Variants in NKAIN2 observed in about 807,000 individuals in gnomAD.
NKAIN2 encodes the protein sodium/potassium transporting ATPase interacting 2.
NKAIN2 carries 14 observed loss-of-function variants against 32.6 expected under a neutral mutation model. The observed-to-expected ratio is 0.43, with a 90% confidence interval of 0.28 to 0.67. NKAIN2 has a LOEUF of 0.67. Among genes scored for constraint, NKAIN2 ranks in the 30% least tolerant of loss-of-function variants. The pLI is 0.17. For missense variants in NKAIN2, 198 were observed against 258.3 expected, an observed-to-expected ratio of 0.77 and a Z score of 1.60; for synonymous variants, 80 against 87.2, an observed-to-expected ratio of 0.92 and a Z score of 0.46.
rs112130036 is a variant in NKAIN2, at chr6:124,177,876, C to T, written c.55-105129C>T. On this transcript the variant is annotated intron_variant, in intron 1 of 6. Transcript: ENST00000368417. ...TCGGCTCACTGCAAGCTCCGCCTCC[C>T]GGGTTCACGCCATTCTCCTGCCTCA... is the stretch of plus-strand genomic sequence containing the variant. Among the ~76,000 whole-genome samples, 2 of 25,048 alleles carry T rather than the reference C, an allele frequency of 8.0e-5. 1 individual carries two copies. The highest frequency in any genetic ancestry group is 1.8e-4 in the Non-Finnish European group (2 of 11,062). The allele number at this position is 25,048 out of a possible 152,430, so 16.4% of individuals were successfully genotyped here.
At chr6:124,470,803 G>A (rs1297377620) in intron 3 of NKAIN2, among the ~76,000 whole-genome samples, 1 of 152,108 alleles carries the variant, frequency 6.6e-6, no homozygotes, top group Non-Finnish European at 1.5e-5. Context: ...AACAAGAACA[G>A]AAACAAAACT....
At chr6:124,573,135 C>T (rs553666871) in intron 3 of NKAIN2, among the ~76,000 whole-genome samples, 5 of 152,270 alleles carry the variant, frequency 3.3e-5, no homozygotes, top group South Asian at 4.1e-4. Context: ...CCACCACGCC[C>T]GGCCAAAAAG....
At chr6:124,138,667 T>TTAA (rs35760348) in intron 1 of NKAIN2, among the ~76,000 whole-genome samples, 101,486 of 145,482 alleles carry the variant, frequency 0.7, 35,925 homozygotes, top group African/African-American at 0.81. Context: ...TGTTATATTA[T>TTAA]TAATTATGTT....
At chr6:124,561,775 G>T (rs1780701687) in intron 3 of NKAIN2, among the ~76,000 whole-genome samples, 1 of 152,142 alleles carries the variant, frequency 6.6e-6, no homozygotes, top group Non-Finnish European at 1.5e-5. Flanking sequence ...GGCTGAAATA[G>T]CCCGTTTTGA....
In NKAIN2 at chr6:124,192,741, G is replaced by GTT. The variant is rs1205303294; in HGVS notation, c.55-90239_55-90238dup. Reference sequence around the variant, plus strand: ...TCTATTTCTCTCCTTAGTTCCATCCGTTTTTTTTTTTTTTTTTTTTTTTTT... The same window carrying GTT: ...TCTATTTCTCTCCTTAGTTCCATCCGTTTTTTTTTTTTTTTTTTTTTTTTTTT... On this transcript the variant is annotated intron_variant, in intron 1 of 6. Coordinates refer to ENST00000368417, the MANE Select transcript of NKAIN2 (RefSeq NM_001040214.3). Among the ~76,000 whole-genome samples, 310 of 77,210 alleles carry GTT rather than the reference G, an allele frequency of 4.0e-3. 59 individuals carry two copies. The highest frequency in any genetic ancestry group is 0.01 in the Middle Eastern group (1 of 100). 50.7% of individuals were successfully genotyped at this position (77,210 alleles called of 152,430 possible).
intron 1 of NKAIN2, among the ~76,000 whole-genome samples, chr6:123,855,736 C>A (rs569695045): frequency 2.0e-5 from 3 of 152,160 alleles, no homozygotes; most frequent in Non-Finnish European, 2.9e-5. Flanking sequence ...ATTTGTGTAT[C>A]CTGCATATAA....
In NKAIN2 at chr6:123,884,185, C is replaced by T. The variant is rs189116109; in HGVS notation, c.54+79931C>T. Among the ~76,000 whole-genome samples the T allele has an allele frequency of 7.9e-4, 120 of 152,116 alleles. 1 individual carries two copies. Among genetic ancestry groups the T allele is most frequent in the African/African-American group, 2.8e-3 (118 of 41,486 alleles). On this transcript the variant is annotated intron_variant, in intron 1 of 6. Transcript: ENST00000368417. ...GTCCATGTGCTCTCTTCATTTAGCT[C>T]CCCCTTATAAGTGAGAACATATGGT...
chr6:123,808,185 C>G (rs769325362), intron 1 of NKAIN2, among the ~76,000 whole-genome samples: 1 of 152,022 alleles, frequency 6.6e-6, no homozygotes, highest in Non-Finnish European at 1.5e-5. Context: ...TTATGATATT[C>G]CTGGTATACT....
At chr6:124,293,890 A>G (rs938439878) in intron 2 of NKAIN2, among the ~76,000 whole-genome samples, 12 of 152,112 alleles carry the variant, frequency 7.9e-5, no homozygotes, top group Non-Finnish European at 1.5e-4. Context: ...AGAGGCAAGT[A>G]GGCACCATTT....
chr6:124,432,926 G>A (rs981989183), intron 3 of NKAIN2, among the ~76,000 whole-genome samples: 2 of 151,932 alleles, frequency 1.3e-5, no homozygotes, highest in Non-Finnish European at 2.9e-5. Flanking sequence ...TTGTGAACTG[G>A]CCTGCTTGGC....
intron 1 of NKAIN2, among the ~76,000 whole-genome samples, chr6:123,869,378 C>T (rs1772748603): frequency 1.3e-5 from 2 of 152,278 alleles, no homozygotes; most frequent in Non-Finnish European, 2.9e-5. Context: ...CAACCAGCAA[C>T]AGAATGAGTG....
At chr6:124,461,572 G>C (rs1025354357) in intron 3 of NKAIN2, among the ~76,000 whole-genome samples, 5 of 151,126 alleles carry the variant, frequency 3.3e-5, no homozygotes, top group East Asian at 1.9e-4. Flanking sequence ...CTAAATTTTG[G>C]CTTTTTGTAC....
intron 1 of NKAIN2, among the ~76,000 whole-genome samples, chr6:124,083,280 C>T (rs765007430): frequency 1.3e-5 from 2 of 151,594 alleles, no homozygotes; most frequent in Non-Finnish European, 2.9e-5. Flanking sequence ...ATTTATAGGC[C>T]CATTTCAAGA....
intron 2 of NKAIN2, among the ~76,000 whole-genome samples, chr6:124,308,294 A>G (rs753859679): frequency 3.9e-5 from 6 of 152,152 alleles, no homozygotes; most frequent in Non-Finnish European, 8.8e-5. Flanking sequence ...TTCCAGCTTC[A>G]TCCATGTCCC....
chr6:123,814,080 G>A (rs9482467), intron 1 of NKAIN2, among the ~76,000 whole-genome samples: 4,933 of 152,122 alleles, frequency 0.032, 291 homozygotes, highest in African/African-American at 0.11. Flanking sequence ...CAGCTGTTCA[G>A]TAGTATTTAT....
At chr6:124,272,658 G>T (rs528080506) in intron 1 of NKAIN2, among the ~76,000 whole-genome samples, 170 of 152,220 alleles carry the variant, frequency 1.1e-3, no homozygotes, top group African/African-American at 2.8e-3. Context: ...GAGGGCTACT[G>T]TTCTCCAGAC....
In NKAIN2 at chr6:124,378,180, G is replaced by A. The variant is rs1362610678; in HGVS notation, c.273+22833G>A. On this transcript the variant is annotated intron_variant, in intron 3 of 6. Transcript: ENST00000368417. ...TTATCACTTCAGCCCAATGCACTTT[G>A]GGCTGCACTTTTACTATTTGTCTGA... Among the ~76,000 whole-genome samples the A allele has an allele frequency of 2.0e-5, 3 of 152,192 alleles. No homozygotes were observed. The East Asian group carries it at 5.8e-4, about 29-fold the overall frequency.
At position 123,863,474 on chromosome 6, in the gene NKAIN2, C is replaced by T. The variant is rs138370958; in HGVS notation, c.54+59220C>T. 1.5e-4 allele frequency among the ~76,000 whole-genome samples: 23 copies of T among 152,258 alleles called. No homozygotes were observed. In the East Asian group the frequency reaches 2.9e-3, roughly 19 times the overall value. ...TTATGCCAGCAAATTAGATAATTAA[C>T]GTGTAGAGGGATGAAATAGTCTTCT... On this transcript the variant is annotated intron_variant, in intron 1 of 6. Coordinates refer to ENST00000368417, the MANE Select transcript of NKAIN2 (RefSeq NM_001040214.3).
intron 1 of NKAIN2, among the ~76,000 whole-genome samples, chr6:124,190,030 C>A (rs905313042): frequency 6.6e-6 from 1 of 152,162 alleles, no homozygotes; most frequent in Non-Finnish European, 1.5e-5. Flanking sequence ...TAACTATTGC[C>A]TCCTTGTTCC....
Sources: allele counts gnomAD v4.1 joint callset (sites outside exome capture counted in the v4.1 genomes callset), GRCh38; gene constraint gnomAD v4.1.1; transcripts MANE v1.5; gene names NCBI Gene and HGNC (gene_info 2026-07-23, HGNC 2026-07-21).